Variants in ATXN10 observed in about 807,000 individuals in gnomAD.
ATXN10 encodes the protein ataxin 10.
Under a neutral mutation model 52.9 loss-of-function variants are expected in ATXN10, and 28 were observed. The observed-to-expected ratio is 0.53, with a 90% CI of 0.39 to 0.73. ATXN10 has a LOEUF of 0.73. Ranked by LOEUF, ATXN10 falls within the 30% of genes least tolerant of loss-of-function variation. The pLI is 0.00. For missense variants in ATXN10, 565 were observed against 577.0 expected (o/e 0.98, Z 0.21); for synonymous variants, 226 against 221.5 (o/e 1.02, Z -0.18).
chr22:45,776,572 G>A (rs1400046015), intron 9 of ATXN10, among the ~76,000 whole-genome samples: 3 of 151,616 alleles, frequency 2.0e-5, no homozygotes, highest in African/African-American at 7.3e-5. Context: ...TGGAAGAGAA[G>A]TTTCTACTTG....
At chr22:45,834,350 A>G (rs746329294) in intron 10 of ATXN10, among the ~76,000 whole-genome samples, 3 of 152,252 alleles carry the variant, frequency 2.0e-5, no homozygotes, top group African/African-American at 4.8e-5. Context: ...CCCGGTTTCT[A>G]CTGGGTTTCC....
chr22:45,813,778 A>C (rs1928366279), intron 10 of ATXN10, among the ~76,000 whole-genome samples: 1 of 152,196 alleles, frequency 6.6e-6, no homozygotes, highest in Non-Finnish European at 1.5e-5. Flanking sequence ...TAGTTTCTCA[A>C]CAAATAAGTG....
intron 9 of ATXN10, chr22:45,792,285 C>T (rs1041203138): frequency 5.9e-5 from 9 of 151,918 alleles, no homozygotes; most frequent in African/African-American, 9.7e-5. Flanking sequence ...TAAATAAGAC[C>T]GTTATTCTTC....
rs1323409605 is a variant in ATXN10, at chr22:45,745,317, G to A, written c.1173+4779G>A. On this transcript the variant is annotated intron_variant, in intron 9 of 11. Coordinates refer to ENST00000252934, the MANE Select transcript of ATXN10 (RefSeq NM_013236.4). ...TAAAGCTAAGTGCATTTTTCAAATCGGACAGACAGATGATCTAGTTTATCT... is the reference window on the plus strand; with the variant it reads ...TAAAGCTAAGTGCATTTTTCAAATCAGACAGACAGATGATCTAGTTTATCT... 5.3e-5 allele frequency among the ~76,000 whole-genome samples: 8 copies of A among 151,998 alleles called. No individual in the cohort carries two copies. In the East Asian group the frequency reaches 9.6e-4, roughly 18 times the overall value.
chr22:45,797,490 A>C (rs971704317), intron 9 of ATXN10, among the ~76,000 whole-genome samples: 3 of 152,260 alleles, frequency 2.0e-5, no homozygotes, highest in Non-Finnish European at 2.9e-5. Context: ...TATCGAAATT[A>C]GAAAATATTT....
At position 45,814,371 on chromosome 22, in the gene ATXN10, T is replaced by G. The variant is rs144079405; in HGVS notation, c.1237+7349T>G. Among the ~76,000 whole-genome samples the G allele has an allele frequency of 2.6e-5, 4 of 152,292 alleles. No individual in the cohort carries two copies. In the East Asian group the frequency reaches 7.7e-4, roughly 29 times the overall value. ...TGGTTAGTAAGCATATGGAATGAAT[T>G]CAGCATCAGTAGTCATCAGGGAAAT... On this transcript the variant is annotated intron_variant, in intron 10 of 11. Transcript: ENST00000252934.
chr22:45,725,903 A>G (rs772970585), intron 6 of ATXN10, among the ~76,000 whole-genome samples: 4 of 151,956 alleles, frequency 2.6e-5, no homozygotes, highest in Non-Finnish European at 5.9e-5. Flanking sequence ...TTCTGCGTCT[A>G]TTGGGATGAT....
intron 7 of ATXN10, chr22:45,734,397 TCATA>T (rs747784710): frequency 3.5e-6 from 1 of 281,758 alleles, no homozygotes; most frequent in South Asian, 3.2e-5. Flanking sequence ...AGTCTTTCTG[TCATA>T]CATACAGTAA....
At chr22:45,706,343 C>T (rs550241914) in intron 5 of ATXN10, among the ~76,000 whole-genome samples, 14 of 152,184 alleles carry the variant, frequency 9.2e-5, no homozygotes, top group South Asian at 8.3e-4. Flanking sequence ...TTGCTCTTTT[C>T]GGAGAACCAA....
intron 9 of ATXN10, among the ~76,000 whole-genome samples, chr22:45,779,381 C>G (rs1188161433): frequency 6.6e-6 from 1 of 152,152 alleles, no homozygotes; most frequent in Non-Finnish European, 1.5e-5. Context: ...CATTCTGAGA[C>G]TCCAGAATAT....
At chr22:45,751,154 T>C (rs950499364) in intron 9 of ATXN10, among the ~76,000 whole-genome samples, 1 of 152,020 alleles carries the variant, frequency 6.6e-6, no homozygotes, top group Admixed American at 6.6e-5. Flanking sequence ...TGGTCTTGAA[T>C]TCCTGACCTC....
At chr22:45,782,987 T>G (rs1569062647) in intron 9 of ATXN10, among the ~76,000 whole-genome samples, 1 of 152,214 alleles carries the variant, frequency 6.6e-6, no homozygotes, top group Non-Finnish European at 1.5e-5. Flanking sequence ...ATAGATTGCT[T>G]ACAATTTCAC....
intron 3 of ATXN10, among the ~76,000 whole-genome samples, chr22:45,694,468 A>C (rs1469998839): frequency 6.6e-6 from 1 of 152,090 alleles, no homozygotes; most frequent in Non-Finnish European, 1.5e-5. Flanking sequence ...CCTGGGTAAC[A>C]TGGTGAAACC....
chr22:45,683,492 C>T lies in ATXN10; in HGVS notation c.117-6220C>T, dbSNP rs1298566877. Among the ~76,000 whole-genome samples, 1 of 152,172 alleles carries T rather than the reference C, an allele frequency of 6.6e-6. No individual in the cohort carries two copies. Among genetic ancestry groups the T allele is most frequent in the African/African-American group, 2.4e-5 (1 of 41,448 alleles). On this transcript the variant is annotated intron_variant, in intron 1 of 11. Coordinates refer to ENST00000252934, the MANE Select transcript of ATXN10 (RefSeq NM_013236.4). This position sits in a 1 kb window ranked among gnomAD's most constrained non-coding sequence, Gnocchi z 4.8. ...AGCCCTGACTTCCCTGTGACGTGCT[C>T]TGTATGCCTTTGCCTCTAGTCCAAG...
intron 10 of ATXN10, among the ~76,000 whole-genome samples, chr22:45,832,846 A>G (rs1386302534): frequency 6.6e-6 from 1 of 152,252 alleles, no homozygotes; most frequent in Non-Finnish European, 1.5e-5. Context: ...TGAAATATTC[A>G]GTACTTCAGA....
intron 7 of ATXN10, among the ~76,000 whole-genome samples, chr22:45,735,925 C>T (rs139089598): frequency 1.7e-4 from 25 of 145,874 alleles, no homozygotes; most frequent in African/African-American, 2.0e-4. Context: ...TTTTTTAAGA[C>T]AGTAATTTTT....
In ATXN10 at chr22:45,712,470, A is replaced by G. The variant is rs1434449909; in HGVS notation, c.648-5943A>G. The stretch of plus-strand genomic sequence containing the variant: ...GAAACAGGAGAAGCAGAATACCTTG[A>G]TACTGAAGGGTAGACAGCGTAGCCA... On this transcript the variant is annotated intron_variant, in intron 5 of 11. Transcript: ENST00000252934. This position sits in a 1 kb window ranked among gnomAD's most constrained non-coding sequence, Gnocchi z 4.6. Among the ~76,000 whole-genome samples the G allele has an allele frequency of 6.6e-6, 1 of 152,228 alleles. No homozygotes were observed. Among genetic ancestry groups the G allele is most frequent in the East Asian group, 1.9e-4 (1 of 5,194 alleles).
In ATXN10 at chr22:45,805,463, G is replaced by A. The variant is rs925863573; in HGVS notation, c.1174-1496G>A. 1.3e-5 allele frequency among the ~76,000 whole-genome samples: 2 copies of A among 152,130 alleles called. No homozygotes were observed. The highest frequency in any genetic ancestry group is 4.8e-5 in the African/African-American group (2 of 41,412). On this transcript the variant is annotated intron_variant, in intron 9 of 11. Transcript: ENST00000252934. The surrounding 1 kb of genome is among the most constrained non-coding windows in gnomAD (Gnocchi z 4.4). ...GAAATAACACAAATGTCCATTAGTGGGTGAATGGAAAAATGCAATGTGGCA... is the reference window on the plus strand; with the variant it reads ...GAAATAACACAAATGTCCATTAGTGAGTGAATGGAAAAATGCAATGTGGCA...
intron 7 of ATXN10, chr22:45,738,481 C>T: frequency 4.6e-6 from 2 of 437,500 alleles, no homozygotes; most frequent in Non-Finnish European, 8.2e-6. Context: ...CTCTTTGCTC[C>T]AAGAAGACAC....
Sources: gnomAD v4.1 joint callset for allele counts (sites outside exome capture counted in the v4.1 genomes callset) on GRCh38, gnomAD v4.1.1 for gene constraint, Gnocchi (gnomAD v3.1) non-coding constraint, MANE v1.5 for transcripts, NCBI Gene and HGNC (gene_info 2026-07-23, HGNC 2026-07-21) for gene names.